The following AOPEP variants were observed in gnomAD, a reference collection of about 807,000 sequenced individuals.
AOPEP encodes the protein aminopeptidase O.
In AOPEP, 77 loss-of-function variants were observed where a neutral mutation model predicts 98.1. The observed-to-expected ratio is 0.78, with a 90% CI of 0.65 to 0.95. The LOEUF is 0.95. AOPEP is among the 40% of genes least tolerant of loss of function. The probability of loss-of-function intolerance (pLI) is 0.00; values close to 1 mark genes in which losing one functional copy is unlikely to be tolerated. For missense variants in AOPEP, 1,024 were observed against 1,024.7 expected (o/e 1.00, Z 0.01); for synonymous variants, 346 against 365.3 (o/e 0.95, Z 0.60).
At chr9:95,127,708 C>T in the AOPEP span, among the ~76,000 whole-genome samples, 1 of 152,196 alleles carries the variant, frequency 6.6e-6, no homozygotes, top group Non-Finnish European at 1.5e-5. Flanking sequence ...TTCACAGGCC[C>T]CCGTCGGCAA....
chr9:95,080,546 A>G (rs758999737), intron 14 of AOPEP, 148 bp from the exon 15 acceptor site: 13 of 611,158 alleles, frequency 2.1e-5, no homozygotes, highest in Non-Finnish European at 3.2e-5. Context: ...AAAATATACT[A>G]AAAGAAAATG....
intron 5 of AOPEP, among the ~76,000 whole-genome samples, chr9:94,907,044 T>C (rs770917783): frequency 1.3e-5 from 2 of 152,130 alleles, no homozygotes; most frequent in Non-Finnish European, 2.9e-5. Context: ...GGAATTTTCC[T>C]CTTTCTGAGC....
chr9:94,951,587 A>G (rs914235687), intron 7 of AOPEP, among the ~76,000 whole-genome samples: 8 of 152,260 alleles, frequency 5.3e-5, no homozygotes, highest in Non-Finnish European at 1.0e-4. Context: ...AGGAAACGTT[A>G]GCTGTTAGTA....
the AOPEP span, among the ~76,000 whole-genome samples, chr9:95,116,492 C>A: frequency 2.0e-5 from 3 of 152,202 alleles, no homozygotes; most frequent in African/African-American, 7.2e-5. Context: ...GATCTACTCA[C>A]TCAAGTCTCA....
intron 2 of AOPEP, among the ~76,000 whole-genome samples, chr9:94,769,639 A>G (rs910948618): frequency 1.1e-4 from 16 of 152,338 alleles, no homozygotes; most frequent in African/African-American, 3.8e-4. Context: ...AGCTCTGGAT[A>G]CCAAGTGGAA....
intron 2 of AOPEP, among the ~76,000 whole-genome samples, chr9:94,767,357 C>T (rs1263767509): frequency 6.6e-6 from 1 of 152,144 alleles, no homozygotes; most frequent in Non-Finnish European, 1.5e-5. Flanking sequence ...CAAGGATGGA[C>T]TGTATCAGTC....
At chr9:94,806,249 G>T (rs1462040939) in intron 5 of AOPEP, among the ~76,000 whole-genome samples, 1 of 152,066 alleles carries the variant, frequency 6.6e-6, no homozygotes, top group African/African-American at 2.4e-5. Flanking sequence ...TTGTGTGTGG[G>T]TTTTGTTTCT....
the AOPEP span, among the ~76,000 whole-genome samples, chr9:95,146,471 G>T: frequency 9.7e-6 from 1 of 102,868 alleles, no homozygotes; most frequent in African/African-American, 4.0e-5. Flanking sequence ...CTATGTGACA[G>T]AGTGAGACCC....
intron 2 of AOPEP, among the ~76,000 whole-genome samples, chr9:94,768,357 A>G (rs1377192536): frequency 6.6e-6 from 1 of 152,242 alleles, no homozygotes; most frequent in Non-Finnish European, 1.5e-5. Flanking sequence ...AACAAAAAAA[A>G]ACCCCTTTTT....
intron 5 of AOPEP, among the ~76,000 whole-genome samples, chr9:94,805,567 A>T (rs139534627): frequency 1.3e-5 from 2 of 152,146 alleles, no homozygotes; most frequent in African/African-American, 4.8e-5. Flanking sequence ...AAAAATTATC[A>T]ATTATTAAAA....
At chr9:94,768,636 A>G (rs1361523538) in intron 2 of AOPEP, among the ~76,000 whole-genome samples, 1 of 152,214 alleles carries the variant, frequency 6.6e-6, no homozygotes, top group African/African-American at 2.4e-5. Context: ...AAGTTCTTTA[A>G]TGGCAGCAAG....
chr9:95,112,500 A>C, the AOPEP span, among the ~76,000 whole-genome samples: 1 of 152,178 alleles, frequency 6.6e-6, no homozygotes, highest in Non-Finnish European at 1.5e-5. Context: ...AATGTTCTAC[A>C]TTTGAGCAAC....
In AOPEP at chr9:94,930,515, A is replaced by G. The variant is rs1025729131; in HGVS notation, c.1661+1984A>G. Among the ~76,000 whole-genome samples the G allele has an allele frequency of 6.6e-6, 1 of 152,146 alleles. No homozygotes were observed. The highest frequency in any genetic ancestry group is 1.5e-5 in the Non-Finnish European group (1 of 68,030). On this transcript the variant is annotated intron_variant, in intron 7 of 16. Transcript: ENST00000375315. The surrounding 1 kb of genome is among the most constrained non-coding windows in gnomAD (Gnocchi z 4.5). ...GCCTATAAAACCCTTTAAATCTTGA[A>G]CACAGTGAAATCCTCAGGGAGAGAG...
chr9:94,858,832 T>C (rs2044560345), intron 5 of AOPEP, among the ~76,000 whole-genome samples: 1 of 151,986 alleles, frequency 6.6e-6, no homozygotes, highest in East Asian at 1.9e-4. Context: ...GCAGATCACC[T>C]GAGATCAGGA....
At chr9:95,101,882 A>C in the AOPEP span, 1 of 1,613,162 alleles carries the variant, frequency 6.2e-7, no homozygotes, top group Non-Finnish European at 8.5e-7. Flanking sequence ...AGGCAAATTA[A>C]AACACTTTCC....
chr9:94,882,227 T>C (rs1444199593), intron 5 of AOPEP, among the ~76,000 whole-genome samples: 1 of 152,212 alleles, frequency 6.6e-6, no homozygotes, highest in African/African-American at 2.4e-5. Context: ...GAGCAAATTA[T>C]TTAGGTAGAG....
At chr9:94,733,545 T>C (rs1374976654) in intron 1 of AOPEP, among the ~76,000 whole-genome samples, 14 of 152,232 alleles carry the variant, frequency 9.2e-5, no homozygotes, top group Admixed American at 9.2e-4. Context: ...TCTGTATTGG[T>C]GTAGTTCTGT....
chr9:94,770,356 T>C (rs1025263412), intron 2 of AOPEP, among the ~76,000 whole-genome samples: 3 of 151,840 alleles, frequency 2.0e-5, no homozygotes, highest in South Asian at 4.1e-4. Flanking sequence ...AGAACAAACA[T>C]TTATTACCTC....
At chr9:95,041,785 C>G (rs974041376) in intron 13 of AOPEP, among the ~76,000 whole-genome samples, 2 of 151,970 alleles carry the variant, frequency 1.3e-5, no homozygotes, top group African/African-American at 2.4e-5. Context: ...CCTCGGCCTC[C>G]GTGGCGCTAT....
Sources: gnomAD v4.1 joint callset for allele counts (sites outside exome capture counted in the v4.1 genomes callset) on GRCh38, gnomAD v4.1.1 for gene constraint, Gnocchi (gnomAD v3.1) non-coding constraint, MANE v1.5 for transcripts, NCBI Gene and HGNC (gene_info 2026-07-23, HGNC 2026-07-21) for gene names.